SLC38A12: variants seen among roughly 807,000 people sequenced by gnomAD.
SLC38A12 encodes solute carrier family 38 member 12.
chr17:74,779,610 G>A, the SLC38A12 span, among the ~76,000 whole-genome samples: 1 of 152,180 alleles, frequency 6.6e-6, no homozygotes, highest in African/African-American at 2.4e-5. Context: ...ACCCAGATAA[G>A]CTGTGGAACT....
the SLC38A12 span, among the ~76,000 whole-genome samples, chr17:74,820,047 T>G: frequency 6.6e-6 from 1 of 152,190 alleles, no homozygotes; most frequent in Admixed American, 6.5e-5. Flanking sequence ...CTGGGGAAAT[T>G]TAACACCAAA....
At chr17:74,816,334 AAGAGTC>A in the SLC38A12 span, among the ~76,000 whole-genome samples, 1 of 152,210 alleles carries the variant, frequency 6.6e-6, no homozygotes, top group East Asian at 1.9e-4. Context: ...AGAGCAAGGA[AAGAGTC>A]AGAGATTGCT....
At chr17:74,811,992 G>A in the SLC38A12 span, among the ~76,000 whole-genome samples, 1 of 151,820 alleles carries the variant, frequency 6.6e-6, no homozygotes, top group African/African-American at 2.4e-5. Flanking sequence ...GCTGCAGTGA[G>A]CTATGATCGC....
At chr17:74,783,036 C>T in the SLC38A12 span, among the ~76,000 whole-genome samples, 1 of 152,228 alleles carries the variant, frequency 6.6e-6, no homozygotes, top group South Asian at 2.1e-4. Flanking sequence ...GAGGCTGAGG[C>T]AGGAGAATCA....
chr17:74,795,261 C>T, the SLC38A12 span: 3 of 717,574 alleles, frequency 4.2e-6, no homozygotes, highest in Admixed American at 6.9e-5. Context: ...GCACAGACCA[C>T]AGCCAGCCAT....
chr17:74,829,441 G>T, the SLC38A12 span, among the ~76,000 whole-genome samples: 1 of 152,104 alleles, frequency 6.6e-6, no homozygotes, highest in Non-Finnish European at 1.5e-5. The surrounding 1 kb of genome is among the most constrained non-coding windows in gnomAD (Gnocchi z 4.1). Flanking sequence ...ACTTCAGTTT[G>T]AGCCAGCCAT....
At chr17:74,805,474 C>T in the SLC38A12 span, among the ~76,000 whole-genome samples, 1 of 152,214 alleles carries the variant, frequency 6.6e-6, no homozygotes, top group Non-Finnish European at 1.5e-5. The surrounding 1 kb of genome is among the most constrained non-coding windows in gnomAD (Gnocchi z 5.0). Context: ...GACCCCGCAG[C>T]GTGCCAGCTC....
the SLC38A12 span, among the ~76,000 whole-genome samples, chr17:74,806,743 C>A: frequency 1.3e-5 from 2 of 152,166 alleles, no homozygotes; most frequent in East Asian, 3.9e-4. Context: ...CCTTTTCCCT[C>A]CTCTGTCCGA....
At chr17:74,837,646 G>T in the SLC38A12 span, 21 of 985,462 alleles carry the variant, frequency 2.1e-5, no homozygotes, top group Non-Finnish European at 2.5e-5. Context: ...CTGAGCGTGG[G>T]TGCTCAGTGT....
At chr17:74,783,577 G>T in the SLC38A12 span, among the ~76,000 whole-genome samples, 1 of 152,106 alleles carries the variant, frequency 6.6e-6, no homozygotes, top group Non-Finnish European at 1.5e-5. Context: ...TCTCCACAGG[G>T]TGGCCTCCCT....
the SLC38A12 span, among the ~76,000 whole-genome samples, chr17:74,817,202 G>A: frequency 3.3e-3 from 497 of 152,222 alleles, 3 homozygotes; most frequent in African/African-American, 0.011. Context: ...CTTCATCTGG[G>A]TGCTCTCTGA....
chr17:74,824,131 G>A, the SLC38A12 span, among the ~76,000 whole-genome samples: 2 of 152,208 alleles, frequency 1.3e-5, no homozygotes, highest in East Asian at 1.9e-4. Context: ...CTGGTGTCAC[G>A]GTGAGATCTA....
chr17:74,788,827 C>T, the SLC38A12 span: 3 of 1,613,516 alleles, frequency 1.9e-6, no homozygotes, highest in Non-Finnish European at 2.5e-6. Flanking sequence ...GCCATGGCTG[C>T]AGCCAACGCG....
chr17:74,795,431 G>A, the SLC38A12 span: 72 of 1,098,640 alleles, frequency 6.6e-5, no homozygotes, highest in South Asian at 1.2e-4. Flanking sequence ...GATTGTTGGC[G>A]CTCAGGCAGC....
the SLC38A12 span, chr17:74,795,119 C>T: frequency 1.1e-5 from 18 of 1,612,706 alleles, no homozygotes; most frequent in African/African-American, 9.3e-5. Flanking sequence ...CTGGTGAGTA[C>T]CCTCCTGGCC....
chr17:74,786,098 C>T, the SLC38A12 span, among the ~76,000 whole-genome samples: 4 of 152,324 alleles, frequency 2.6e-5, no homozygotes, highest in South Asian at 6.2e-4. Flanking sequence ...GTGTGGCACT[C>T]GCCTGCTGTG....
the SLC38A12 span, chr17:74,795,399 C>A: frequency 1.2e-6 from 1 of 810,380 alleles, no homozygotes. Context: ...ATGCATCCCG[C>A]AAAGTGGTTT....
the SLC38A12 span, among the ~76,000 whole-genome samples, chr17:74,792,239 C>T: frequency 9.2e-5 from 14 of 152,124 alleles, no homozygotes; most frequent in Middle Eastern, 3.4e-3. Flanking sequence ...TCACTTGAGA[C>T]CAGGAGTTGG....
the SLC38A12 span, chr17:74,795,701 T>G: frequency 3.2e-6 from 4 of 1,234,076 alleles, no homozygotes; most frequent in East Asian, 7.1e-5. Flanking sequence ...TTGAAGTGCC[T>G]TTACTTCCAG....
Sources: gnomAD v4.1 joint callset for allele counts (sites outside exome capture counted in the v4.1 genomes callset) on GRCh38, gnomAD v4.1.1 for gene constraint, Gnocchi (gnomAD v3.1) non-coding constraint, MANE v1.5 for transcripts, NCBI Gene and HGNC (gene_info 2026-07-23, HGNC 2026-07-21) for gene names.